MDGA2: variants seen among roughly 807,000 people sequenced by gnomAD.
MDGA2 encodes MAM domain-containing glycosylphosphatidylinositol anchor protein 2.
A neutral mutation model predicts 117.8 loss-of-function variants in MDGA2; 40 were observed. That is an observed-to-expected ratio of 0.34 (90% CI 0.26 to 0.44). MDGA2 has a LOEUF of 0.44. Among genes scored for constraint, MDGA2 ranks in the 20% least tolerant of loss-of-function variants. MDGA2 has a pLI of 1.00. For synonymous variants in MDGA2, 452 were observed against 439.0 expected (o/e 1.03, Z -0.37); for missense variants, 1,123 against 1,250.6 (o/e 0.90, Z 1.54).
At chr14:46,990,868 A>C (rs1376252868) in intron 8 of MDGA2, among the ~76,000 whole-genome samples, 1 of 58,504 alleles carries the variant, frequency 1.7e-5, no homozygotes, top group African/African-American at 9.6e-5. Flanking sequence ...ACACACACCC[A>C]CACACACACA....
rs1188631703 is a variant in MDGA2 at position 47,402,324 on chromosome 14, C to T, written c.281-100774G>A. 1.3e-4 allele frequency among the ~76,000 whole-genome samples: 4 copies of T among 31,318 alleles called. 1 individual carries two copies. The highest frequency in any genetic ancestry group is 3.8e-4 in the African/African-American group (4 of 10,442). The allele number at this position is 31,318 out of a possible 152,430, so 20.5% of individuals were successfully genotyped here. A position where few individuals can be genotyped will look rare whatever the true frequency, so the allele number is the denominator to read the frequency against. On this transcript the variant is annotated intron_variant, in intron 1 of 16. Coordinates refer to ENST00000399232, the MANE Select transcript of MDGA2 (RefSeq NM_001113498.3). The stretch of plus-strand genomic sequence containing the variant: ...ACTGGTGTATGCTAGGGTAGAAACC[C>T]CAGAAACCCCCGCCCCCCCACCCCG...
chr14:47,047,701 C>G (rs1954248), intron 7 of MDGA2, among the ~76,000 whole-genome samples: 97,051 of 151,812 alleles, frequency 0.64, 31,662 homozygotes, highest in Admixed American at 0.74. Flanking sequence ...AATAACCATA[C>G]TTTATTATTA....
Position 47,273,333 on chromosome 14 carries a change from T to A in MDGA2, c.420+28078A>T, listed in dbSNP as rs564668573. Reference sequence around the variant, plus strand: ...GGAATCTTTCAGTAAAACCATATGATAATATTTGAATAACAATATTTTAGT... The same window carrying A: ...GGAATCTTTCAGTAAAACCATATGAAAATATTTGAATAACAATATTTTAGT... On this transcript the variant is annotated intron_variant, in intron 2 of 16. Transcript: ENST00000399232. 5.9e-5 allele frequency among the ~76,000 whole-genome samples: 9 copies of A among 152,280 alleles called. No homozygotes were observed. In the South Asian group the frequency reaches 1.7e-3, roughly 28 times the overall value.
chr14:46,920,260 T>C, intron 9 of MDGA2, 100 bp from the exon 10 acceptor site: 1 of 1,125,566 alleles, frequency 8.9e-7, no homozygotes, highest in East Asian at 2.8e-5. Context: ...ATATTTTTCA[T>C]TAGTAATTAT....
chr14:47,220,796 G>A (rs1886270299), intron 2 of MDGA2, among the ~76,000 whole-genome samples: 1 of 152,168 alleles, frequency 6.6e-6, no homozygotes, highest in Non-Finnish European at 1.5e-5. Context: ...CTCAAAAACA[G>A]TGGAATAACA....
intron 1 of MDGA2, among the ~76,000 whole-genome samples, chr14:47,622,965 G>T (rs982388891): frequency 6.6e-6 from 1 of 152,128 alleles, no homozygotes; most frequent in Non-Finnish European, 1.5e-5. Context: ...GGTGGTGAGG[G>T]TGTGGTAGGG....
At chr14:47,116,095 A>G (rs907181864) in intron 5 of MDGA2, among the ~76,000 whole-genome samples, 3 of 152,108 alleles carry the variant, frequency 2.0e-5, no homozygotes, top group Non-Finnish European at 4.4e-5. Context: ...ATGTACAAAA[A>G]CCAGTCCTGT....
intron 8 of MDGA2, among the ~76,000 whole-genome samples, chr14:46,978,870 T>C (rs1886565737): frequency 6.6e-6 from 1 of 152,184 alleles, no homozygotes; most frequent in South Asian, 2.1e-4. Context: ...GGTCATTTCA[T>C]AGACTTTCAA....
At chr14:47,574,499 T>C (rs1357630893) in intron 1 of MDGA2, among the ~76,000 whole-genome samples, 1 of 152,204 alleles carries the variant, frequency 6.6e-6, no homozygotes, top group Non-Finnish European at 1.5e-5. Flanking sequence ...TTTCAAATAT[T>C]CTTTTTGCTT....
intron 1 of MDGA2, among the ~76,000 whole-genome samples, chr14:47,616,872 T>C: frequency 6.6e-6 from 1 of 152,324 alleles, no homozygotes; most frequent in Middle Eastern, 3.4e-3. Context: ...TGTGACTATT[T>C]AAATTAAAAT....
chr14:47,293,397 T>C (rs1448208117), intron 2 of MDGA2, among the ~76,000 whole-genome samples: 1 of 152,182 alleles, frequency 6.6e-6, no homozygotes, highest in Non-Finnish European at 1.5e-5. Context: ...AAATTAGTCC[T>C]AGCCCAGTAT....
At chr14:47,567,131 G>T (rs1287508093) in intron 1 of MDGA2, among the ~76,000 whole-genome samples, 2 of 151,716 alleles carry the variant, frequency 1.3e-5, no homozygotes, top group African/African-American at 4.8e-5. Context: ...GAACTCATGG[G>T]CTCAAGTGAT....
intron 3 of MDGA2, among the ~76,000 whole-genome samples, chr14:47,213,408 T>C (rs1177093033): frequency 6.6e-6 from 1 of 152,198 alleles, no homozygotes; most frequent in Non-Finnish European, 1.5e-5. Flanking sequence ...AGTTGCATGC[T>C]GATATGTGCA....
At chr14:46,843,032 TA>T (rs770537951) in intron 16 of MDGA2, among the ~76,000 whole-genome samples, 12 of 152,340 alleles carry the variant, frequency 7.9e-5, no homozygotes, top group Non-Finnish European at 1.5e-4. Flanking sequence ...CAATTAAGAT[TA>T]TTTATTTCCC....
chr14:47,358,343 G>C (rs1010217663), intron 1 of MDGA2, among the ~76,000 whole-genome samples: 1 of 152,088 alleles, frequency 6.6e-6, no homozygotes, highest in Non-Finnish European at 1.5e-5. Context: ...CTCTGTACTT[G>C]TTAAAAGTAA....
intron 1 of MDGA2, among the ~76,000 whole-genome samples, chr14:47,566,277 G>A (rs1304213385): frequency 6.6e-6 from 1 of 152,188 alleles, no homozygotes; most frequent in Non-Finnish European, 1.5e-5. Context: ...GTATGCCCTT[G>A]AAAGGCACCT....
At chr14:47,246,144 A>G (rs1887230904) in intron 2 of MDGA2, among the ~76,000 whole-genome samples, 1 of 151,850 alleles carries the variant, frequency 6.6e-6, no homozygotes, top group East Asian at 1.9e-4. Flanking sequence ...TGTTTATGCT[A>G]ATCAACAATT....
At position 47,597,883 on chromosome 14, in the gene MDGA2, C is replaced by CAA. The variant is rs1491171121; in HGVS notation, c.280+76632_280+76633dup. On this transcript the variant is annotated intron_variant, in intron 1 of 16. Coordinates refer to ENST00000399232, the MANE Select transcript of MDGA2 (RefSeq NM_001113498.3). ...ACACACACACACACACACACACACA[C>CAA]AAAACACAGAGTCTGGACTTGCCAC... Among the ~76,000 whole-genome samples, 14 of 138,160 alleles carry CAA rather than the reference C, an allele frequency of 1.0e-4. 2 individuals are homozygous for CAA. In the South Asian group the frequency reaches 2.0e-3, roughly 20 times the overall value. The allele number at this position is 138,160 out of a possible 152,430, so 90.6% of individuals were successfully genotyped here.
chr14:47,443,937 C>A lies in MDGA2; in HGVS notation c.281-142387G>T, dbSNP rs568178329. On this transcript the variant is annotated intron_variant, in intron 1 of 16. Transcript: ENST00000399232. ...CTTCCTACATAGGTTCTGGGGACAC[C>A]CTTTTTGCCAAAACACAGTTACTAG... Among the ~76,000 whole-genome samples the A allele has an allele frequency of 3.9e-4, 60 of 152,236 alleles. 1 individual carries two copies. Among genetic ancestry groups the A allele is most frequent in the African/African-American group, 1.4e-3 (59 of 41,566 alleles).
Sources: allele counts gnomAD v4.1 joint callset (sites outside exome capture counted in the v4.1 genomes callset), GRCh38; gene constraint gnomAD v4.1.1; transcripts MANE v1.5; gene names NCBI Gene and HGNC (gene_info 2026-07-23, HGNC 2026-07-21).